ARF5: variants seen among roughly 807,000 people sequenced by gnomAD.
The protein encoded by ARF5 is ADP-ribosylation factor 5.
Under a neutral mutation model 24.8 loss-of-function variants are expected in ARF5, and 10 were observed. The observed-to-expected ratio is 0.40, with a 90% CI of 0.25 to 0.68. ARF5 has a LOEUF of 0.68. Ranked by LOEUF, ARF5 falls within the 30% of genes least tolerant of loss-of-function variation. ARF5 has a pLI of 0.36. For synonymous variants in ARF5, 102 were observed against 95.1 expected (o/e 1.07, Z -0.42); for missense variants, 135 against 239.2 (o/e 0.56, Z 2.87).
chr7:127,588,799 T>C (rs1266237458), intron 1 of ARF5: 5 of 566,508 alleles, frequency 8.8e-6, no homozygotes, highest in Non-Finnish European at 1.2e-5. Context: ...CCAGCCCGGC[T>C]GGTAAGAAGG....
chr7:127,591,472 C>G lies in ARF5; in HGVS notation c.*173C>G. Reference sequence around the variant, plus strand: ...TCTCTCTGTTGTTGGAGCCTGGAGCCTTGCTCTCTGGGCACAGAGGGGTCC... The same window carrying G: ...TCTCTCTGTTGTTGGAGCCTGGAGCGTTGCTCTCTGGGCACAGAGGGGTCC... On this transcript the variant is annotated 3_prime_UTR_variant, in exon 6 of 6. Transcript: ENST00000000233. 2 of 606,228 alleles carry G rather than the reference C, an allele frequency of 3.3e-6. No homozygotes were observed. The highest frequency in any genetic ancestry group is 2.7e-6 in the Non-Finnish European group (1 of 365,412). 37.6% of individuals were successfully genotyped at this position (606,228 alleles called of 1,614,324 possible). A position where few individuals can be genotyped will look rare whatever the true frequency, so the allele number is the denominator to read the frequency against.
intron 2 of ARF5, 138 bp from the exon 3 acceptor site, chr7:127,589,347 A>G: frequency 9.5e-7 from 1 of 1,053,992 alleles, no homozygotes; most frequent in Non-Finnish European, 1.4e-6. Flanking sequence ...CGCCCTGTTG[A>G]CCGCCAGTTC....
At position 127,591,377 on chromosome 7, in the gene ARF5, G is replaced by A; in HGVS notation, c.*78G>A. On this transcript the variant is annotated 3_prime_UTR_variant, in exon 6 of 6. Transcript: ENST00000000233. Reference sequence around the variant, plus strand: ...ATGACCAGACTCCCGGACTCCTCAGGCAGTGCCCTTTCCTCCCACTTTTCC... The same window carrying A: ...ATGACCAGACTCCCGGACTCCTCAGACAGTGCCCTTTCCTCCCACTTTTCC... 1 of 1,296,102 alleles carries A rather than the reference G, an allele frequency of 7.7e-7. No homozygotes were observed. The highest frequency in any genetic ancestry group is 2.9e-5 in the Admixed American group (1 of 34,520). 80.3% of individuals were successfully genotyped at this position (1,296,102 alleles called of 1,614,324 possible). A position where few individuals can be genotyped will look rare whatever the true frequency, so the allele number is the denominator to read the frequency against.
intron 4 of ARF5, 125 bp from the exon 5 acceptor site, chr7:127,590,838 G>T (rs1794276053): frequency 7.8e-7 from 1 of 1,285,868 alleles, no homozygotes; most frequent in Non-Finnish European, 1.1e-6. Flanking sequence ...ACTATGTCTT[G>T]TCTTCAACGG....
intron 4 of ARF5, among the ~76,000 whole-genome samples, chr7:127,590,680 G>A (rs1406875718): frequency 6.6e-6 from 1 of 152,180 alleles, no homozygotes; most frequent in Non-Finnish European, 1.5e-5. Flanking sequence ...TGGGAGAGAT[G>A]GGACTTATAT....
Position 127,591,226 on chromosome 7 carries a change from C to T in ARF5, c.470C>T (p.Ala157Val), listed in dbSNP as rs1261127308. 1 of 1,606,094 alleles carries T rather than the reference C, an allele frequency of 6.2e-7. No homozygotes were observed. Among genetic ancestry groups the T allele is most frequent in the Non-Finnish European group, 8.5e-7 (1 of 1,177,120 alleles). ...HLRSRTWYVQ[A>V]TCATQGTGLY... is the part of the protein sequence containing the mutation. ...TTTTCCCCACAGTGGTATGTCCAGG[C>T]CACCTGTGCCACCCAAGGCACAGGT... is the stretch of plus-strand genomic sequence containing the variant. Residue 157 changes from alanine to valine, a missense_variant, in exon 6 of 6, where the codon GCC (alanine) becomes GTC (valine). Coordinates refer to ENST00000000233, the MANE Select transcript of ARF5 (RefSeq NM_001662.4).
intron 2 of ARF5, 91 bp from the exon 3 acceptor site, chr7:127,589,394 C>CT: frequency 8.1e-7 from 1 of 1,228,206 alleles, no homozygotes; most frequent in Non-Finnish European, 1.2e-6. Flanking sequence ...TCATTGCCTT[C>CT]TGGTTTTGTG....
chr7:127,589,408 C>A, intron 2 of ARF5, 77 bp from the exon 3 acceptor site: 1 of 1,294,520 alleles, frequency 7.7e-7, no homozygotes, highest in Non-Finnish European at 1.1e-6. Flanking sequence ...TTTTGTGTCC[C>A]TGCTGAAATC....
chr7:127,591,282 G>C lies in ARF5; in HGVS notation c.526G>C (p.Glu176Gln). 2 of 1,604,120 alleles carry C rather than the reference G, an allele frequency of 1.2e-6. No homozygotes were observed. The highest frequency in any genetic ancestry group is 1.7e-6 in the Non-Finnish European group (2 of 1,176,626). The change falls in exon 6 of 6, where the codon GAG (glutamate) becomes CAG (glutamine). Residue 176 changes from glutamate (E) to glutamine (Q), a missense_variant. Coordinates refer to ENST00000000233, the MANE Select transcript of ARF5 (RefSeq NM_001662.4). ...LYDGLDWLSH[E>Q]LSKR ...CGATGGTCTGGACTGGCTGTCCCAC[G>C]AGCTGTCAAAGCGCTAACCAGCCAG...
intron 4 of ARF5, 52 bp from the exon 5 acceptor site, chr7:127,590,911 A>G (rs1277163280): frequency 1.3e-6 from 2 of 1,573,276 alleles, no homozygotes; most frequent in African/African-American, 2.7e-5. Context: ...GAATTCCCCA[A>G]CACAGTAGAG....
chr7:127,588,454 G>T lies in ARF5; in HGVS notation c.-45G>T. The T allele has an allele frequency of 2.9e-6, 4 of 1,363,468 alleles. No individual in the cohort carries two copies. The highest frequency in any genetic ancestry group is 3.9e-6 in the Non-Finnish European group (4 of 1,030,928). The allele number at this position is 1,363,468 out of a possible 1,614,324, so 84.5% of individuals were successfully genotyped here. ...ATCCCCCCGCGGCCGGCCAGTTCCA[G>T]CCCGCACCCCGCGTCGGTGCCCGCG... On this transcript the variant is annotated 5_prime_UTR_variant, in exon 1 of 6. Coordinates refer to ENST00000000233, the MANE Select transcript of ARF5 (RefSeq NM_001662.4).
rs1280795812 is a variant in ARF5 at position 127,589,167 on chromosome 7, A to AG, written c.148+5dup. The AG allele has an allele frequency of 1.9e-6, 3 of 1,614,140 alleles. No homozygotes were observed. The highest frequency in any genetic ancestry group is 2.5e-6 in the Non-Finnish European group (3 of 1,180,004). On this transcript the variant is annotated splice_donor_region_variant and intron_variant, in intron 2 of 5. Coordinates refer to ENST00000000233, the MANE Select transcript of ARF5 (RefSeq NM_001662.4). ...GTCACCACCATCCCAACCATAGGTGAGCCCGGGGACGAAGCAGGGAGCGGG... is the reference window on the plus strand; with the variant it reads ...GTCACCACCATCCCAACCATAGGTGAGGCCCGGGGACGAAGCAGGGAGCGGG...
Position 127,588,456 on chromosome 7 carries a change from C to A in ARF5, c.-43C>A. The A allele has an allele frequency of 4.4e-6, 6 of 1,377,624 alleles. No homozygotes were observed. The highest frequency in any genetic ancestry group is 5.8e-6 in the Non-Finnish European group (6 of 1,042,018). The allele number at this position is 1,377,624 out of a possible 1,614,324, so 85.3% of individuals were successfully genotyped here. ...CCCCCCGCGGCCGGCCAGTTCCAGC[C>A]CGCACCCCGCGTCGGTGCCCGCGCC... On this transcript the variant is annotated 5_prime_UTR_variant, in exon 1 of 6. Coordinates refer to ENST00000000233, the MANE Select transcript of ARF5 (RefSeq NM_001662.4).
Position 127,588,584 on chromosome 7 carries a change from G to A in ARF5, c.67+19G>A. ...CTCATGGGTGAGGCAGATCGAGCGC[G>A]CGGCCCGGACCGGGGCGCCGGCCCC... is the stretch of plus-strand genomic sequence containing the variant. On this transcript the variant is annotated intron_variant, in intron 1 of 5. Transcript: ENST00000000233. 1.4e-6 allele frequency: 2 copies of A among 1,383,216 alleles called. No homozygotes were observed. Among genetic ancestry groups the A allele is most frequent in the South Asian group, 1.6e-5 (1 of 61,222 alleles). 85.7% of individuals were successfully genotyped at this position (1,383,216 alleles called of 1,614,324 possible).
intron 2 of ARF5, among the ~76,000 whole-genome samples, 157 bp from the exon 3 acceptor site, chr7:127,589,328 A>G (rs1485086979): frequency 6.6e-6 from 1 of 152,092 alleles, no homozygotes; most frequent in African/African-American, 2.4e-5. Flanking sequence ...GGTGGATGTG[A>G]CCTAGCCCCG....
At chr7:127,590,432 A>G (rs1296793826) in intron 4 of ARF5, among the ~76,000 whole-genome samples, 1 of 151,706 alleles carries the variant, frequency 6.6e-6, no homozygotes, top group Non-Finnish European at 1.5e-5. Flanking sequence ...TCCCGGGTTC[A>G]AGCAATTCTC....
chr7:127,590,278 A>C, intron 4 of ARF5, 141 bp downstream of exon 4: 1 of 669,682 alleles, frequency 1.5e-6, no homozygotes, highest in Non-Finnish European at 2.6e-6. Context: ...CACATTGTGT[A>C]TCTCACCCTG....
chr7:127,590,000 G>A, intron 3 of ARF5, 66 bp from the exon 4 acceptor site: 1 of 1,360,404 alleles, frequency 7.4e-7, no homozygotes, highest in Non-Finnish European at 1.1e-6. Context: ...AAACAGAAAG[G>A]GCCACACTAC....
chr7:127,588,747 A>C (rs1357789585), intron 1 of ARF5, 182 bp downstream of exon 1: 1 of 635,110 alleles, frequency 1.6e-6, no homozygotes, highest in Non-Finnish European at 2.5e-6. Context: ...GGGGCCTGAC[A>C]CCCGGAGCTG....
Sources: allele counts gnomAD v4.1 joint callset (sites outside exome capture counted in the v4.1 genomes callset), GRCh38; gene constraint gnomAD v4.1.1; transcripts MANE v1.5; gene names NCBI Gene and HGNC (gene_info 2026-07-23, HGNC 2026-07-21).